Variants in EDNRB observed in about 807,000 individuals in gnomAD.
The protein encoded by EDNRB is Hirschsprung disease 2.
A neutral mutation model predicts 46.4 loss-of-function variants in EDNRB; 18 were observed. The observed-to-expected ratio is 0.39, with a 90% CI of 0.27 to 0.57. The LOEUF is 0.57. EDNRB is among the 20% of genes least tolerant of loss of function. The probability of loss-of-function intolerance (pLI) is 0.61; values close to 1 mark genes in which losing one functional copy is unlikely to be tolerated. For synonymous variants in EDNRB, 213 were observed against 204.9 expected (o/e 1.04, Z -0.34); for missense variants, 434 against 537.5 (o/e 0.81, Z 1.90).
chr13:77,907,446 T>A (rs1459680501), intron 1 of EDNRB, among the ~76,000 whole-genome samples: 1 of 151,944 alleles, frequency 6.6e-6, no homozygotes, highest in Non-Finnish European at 1.5e-5. Context: ...AAATGGCCAA[T>A]TATGGGACTT....
At chr13:77,900,240 A>T (rs1052832181) in intron 5 of EDNRB, among the ~76,000 whole-genome samples, 3 of 151,892 alleles carry the variant, frequency 2.0e-5, no homozygotes, top group Non-Finnish European at 4.4e-5. Context: ...AAGCTGGCTG[A>T]AAAGAAGAAA....
chr13:77,924,349 ACTCACAGAAT>A (rs1880170944), upstream of EDNRB, among the ~76,000 whole-genome samples: 1 of 152,148 alleles, frequency 6.6e-6, no homozygotes, highest in African/African-American at 2.4e-5. Flanking sequence ...AAAGAAAATT[ACTCACAGAAT>A]CTCATGGGAA....
intron 2 of EDNRB, 35 bp downstream of exon 2, chr13:77,903,460 T>A (rs1879108905): frequency 1.9e-6 from 3 of 1,602,094 alleles, no homozygotes; most frequent in Non-Finnish European, 2.6e-6. Context: ...ATAGTATATA[T>A]TCAGAATATA....
intron 1 of EDNRB, among the ~76,000 whole-genome samples, chr13:77,925,904 A>C (rs563281466): frequency 8.3e-4 from 126 of 152,380 alleles, no homozygotes; most frequent in Middle Eastern, 3.4e-3. Flanking sequence ...CTGCAAAGCC[A>C]CAGGGGCAGA....
At chr13:77,974,487 G>A (rs1881826582) in intron 1 of EDNRB, among the ~76,000 whole-genome samples, 1 of 152,086 alleles carries the variant, frequency 6.6e-6, no homozygotes, top group Non-Finnish European at 1.5e-5. Context: ...GGATTATGGA[G>A]AATACCTTCA....
intron 1 of EDNRB, among the ~76,000 whole-genome samples, chr13:77,935,635 G>C (rs1369683108): frequency 6.6e-6 from 1 of 152,192 alleles, no homozygotes; most frequent in Non-Finnish European, 1.5e-5. Context: ...GCCAAAACAG[G>C]TAACAGATGA....
chr13:77,934,690 G>C (rs866383609), intron 1 of EDNRB, among the ~76,000 whole-genome samples: 13 of 147,684 alleles, frequency 8.8e-5, no homozygotes, highest in East Asian at 8.4e-4. Flanking sequence ...GGGGGGGGGG[G>C]GCCTGAATAG....
chr13:77,973,537 T>G (rs556533289), intron 1 of EDNRB, among the ~76,000 whole-genome samples: 2,172 of 152,224 alleles, frequency 0.014, 44 homozygotes, highest in East Asian at 0.024. Context: ...CACACAGATT[T>G]TTTTTTTCAA....
At chr13:77,926,327 G>C (rs1880236898) in intron 1 of EDNRB, among the ~76,000 whole-genome samples, 1 of 152,136 alleles carries the variant, frequency 6.6e-6, no homozygotes, top group Non-Finnish European at 1.5e-5. Context: ...CTTATGCTCT[G>C]TTTCACTTTT....
upstream of EDNRB, chr13:77,919,463 A>T (rs753665586): frequency 1.2e-6 from 2 of 1,612,782 alleles, no homozygotes; most frequent in Non-Finnish European, 1.7e-6. Context: ...GGCGGAACCC[A>T]GCTGGGTTCC....
upstream of EDNRB, chr13:77,919,737 C>G: frequency 1.1e-6 from 1 of 937,168 alleles, no homozygotes; most frequent in East Asian, 2.7e-5. Flanking sequence ...GGGGGCAGTC[C>G]TCGTCCGGGG....
At chr13:77,905,821 G>A (rs1800138181) in intron 1 of EDNRB, among the ~76,000 whole-genome samples, 2 of 151,982 alleles carry the variant, frequency 1.3e-5, no homozygotes, top group African/African-American at 4.8e-5. Context: ...GTACAGCAAT[G>A]AGGCTACTAG....
chr13:77,960,505 C>T (rs1881374521), intron 1 of EDNRB, among the ~76,000 whole-genome samples: 1 of 152,066 alleles, frequency 6.6e-6, no homozygotes, highest in Non-Finnish European at 1.5e-5. Context: ...TTTTGTCACA[C>T]CAGGCCTGCC....
rs1880986541 is a variant in EDNRB, at chr13:77,948,184, T to C, written c.-52+27163A>G. On this transcript the variant is annotated intron_variant, in intron 1 of 7. Coordinates refer to the EDNRB transcript ENST00000646948. ...GCTAGACAAAAGTCTTCTAGGAAGG[T>C]TGAAGATAGATTTACTTTTGATTGA... 2.0e-5 allele frequency among the ~76,000 whole-genome samples: 3 copies of C among 152,166 alleles called. No individual in the cohort carries two copies. In the South Asian group the frequency reaches 6.2e-4, roughly 32 times the overall value.
intron 1 of EDNRB, among the ~76,000 whole-genome samples, chr13:77,960,173 A>T (rs761988800): frequency 6.6e-5 from 10 of 152,226 alleles, no homozygotes; most frequent in Non-Finnish European, 1.2e-4. Context: ...ATTCAAATTC[A>T]GGAAATACGA....
intron 1 of EDNRB, among the ~76,000 whole-genome samples, chr13:77,961,059 T>G (rs1332791561): frequency 6.6e-6 from 1 of 152,056 alleles, no homozygotes; most frequent in Non-Finnish European, 1.5e-5. Context: ...CCTTAGAGAC[T>G]AGAAAGAGAC....
At chr13:77,964,695 T>C (rs538211452) in intron 1 of EDNRB, among the ~76,000 whole-genome samples, 1 of 152,220 alleles carries the variant, frequency 6.6e-6, no homozygotes, top group Admixed American at 6.5e-5. Flanking sequence ...AGTTAATGGG[T>C]GTAGCACACC....
intron 1 of EDNRB, among the ~76,000 whole-genome samples, chr13:77,948,846 T>G (rs984248427): frequency 2.6e-5 from 4 of 152,236 alleles, no homozygotes; most frequent in Non-Finnish European, 2.9e-5. Context: ...AAATATACTT[T>G]CTTAATGGTT....
rs1879189986 is a variant in EDNRB, at chr13:77,904,758, C to T, written c.484-1151G>A. On this transcript the variant is annotated intron_variant, in intron 1 of 6. Transcript: ENST00000646607. Reference sequence around the variant, plus strand: ...TGGTAAATGAATCATTTTAGGTGAACATCTGGATCAAATGTTCATGAGGTT... The same window carrying T: ...TGGTAAATGAATCATTTTAGGTGAATATCTGGATCAAATGTTCATGAGGTT... 3.3e-5 allele frequency among the ~76,000 whole-genome samples: 5 copies of T among 151,880 alleles called. No homozygotes were observed. In the South Asian group the frequency reaches 8.3e-4, roughly 25 times the overall value.
Sources: gnomAD v4.1 joint callset for allele counts (sites outside exome capture counted in the v4.1 genomes callset) on GRCh38, gnomAD v4.1.1 for gene constraint, MANE v1.5 for transcripts, NCBI Gene and HGNC (gene_info 2026-07-23, HGNC 2026-07-21) for gene names.